The following PHF2 variants were observed in gnomAD, a reference collection of about 807,000 sequenced individuals.
PHF2 encodes PHD finger protein 2.
Under a neutral mutation model 120.5 loss-of-function variants are expected in PHF2, and 27 were observed. The ratio of observed to expected loss-of-function variants is 0.22; its 90% CI spans 0.17 to 0.31. The LOEUF (loss-of-function observed/expected upper bound fraction) is 0.31. Ranked by LOEUF, PHF2 falls within the 10% of genes least tolerant of loss-of-function variation. The pLI is 1.00. For missense variants in PHF2, 1,024 were observed against 1,434.8 expected, an observed-to-expected ratio of 0.71 and a Z score of 4.63; for synonymous variants, 568 against 592.5, an observed-to-expected ratio of 0.96 and a Z score of 0.60.
chr9:93,641,281 C>G (rs774486202), intron 3 of PHF2, among the ~76,000 whole-genome samples: 6 of 152,186 alleles, frequency 3.9e-5, no homozygotes, highest in Non-Finnish European at 7.3e-5. Context: ...AAAATAGATT[C>G]TATTTCCATC....
intron 1 of PHF2, among the ~76,000 whole-genome samples, chr9:93,600,440 C>G (rs1369073947): frequency 6.6e-6 from 1 of 152,212 alleles, no homozygotes; most frequent in East Asian, 1.9e-4. Context: ...CTTAGCCACA[C>G]TGCTTTGAGG....
At chr9:93,591,008 C>T (rs1825208179) in intron 1 of PHF2, among the ~76,000 whole-genome samples, 2 of 152,252 alleles carry the variant, frequency 1.3e-5, no homozygotes, top group African/African-American at 4.8e-5. Flanking sequence ...AGCTCCGGGG[C>T]CATACTTGGC....
chr9:93,621,380 C>G (rs1226439332), intron 1 of PHF2, among the ~76,000 whole-genome samples: 3 of 152,214 alleles, frequency 2.0e-5, no homozygotes, highest in Non-Finnish European at 2.9e-5. Flanking sequence ...CTTGGGGTCT[C>G]CTGCACAAAG....
intron 1 of PHF2, among the ~76,000 whole-genome samples, chr9:93,596,358 G>C (rs147008033): frequency 2.0e-5 from 3 of 152,104 alleles, no homozygotes; most frequent in African/African-American, 7.2e-5. Flanking sequence ...AGGGATCAAG[G>C]CTCCATGGAT....
intron 1 of PHF2, among the ~76,000 whole-genome samples, chr9:93,594,055 C>T (rs754074394): frequency 2.0e-5 from 3 of 152,218 alleles, no homozygotes; most frequent in South Asian, 4.1e-4. Flanking sequence ...TTTATAGACA[C>T]TGGGGCTTGG....
chr9:93,648,964 C>T, intron 4 of PHF2, 107 bp from the exon 5 acceptor site: 1 of 1,287,340 alleles, frequency 7.8e-7, no homozygotes, highest in Non-Finnish European at 1.1e-6. Context: ...GCAGCTCCTG[C>T]TGTGTGTGAG....
chr9:93,675,084 C>T, intron 19 of PHF2, 62 bp downstream of exon 19: 1 of 1,323,318 alleles, frequency 7.6e-7, no homozygotes. Flanking sequence ...GTGACTTTGT[C>T]TGTGGTCCCT....
In PHF2 at chr9:93,655,944, C is replaced by T. The variant is rs142500956; in HGVS notation, c.963C>T (p.Tyr321=). The change falls in exon 8 of 22, where the codon TAC becomes TAT. Residue 321 remains tyrosine, a synonymous_variant. Coordinates refer to ENST00000359246, the MANE Select transcript of PHF2 (RefSeq NM_005392.4). ...QTLFIPSGWI[Y]ATLTPVDCLA... is the part of the protein sequence containing the mutation. ...CTGTCTCTCTCCCAGGCTGGATCTACGCCACACTCACCCCTGTGGACTGCC... is the reference window on the plus strand; with the variant it reads ...CTGTCTCTCTCCCAGGCTGGATCTATGCCACACTCACCCCTGTGGACTGCC... The T allele has an allele frequency of 2.6e-4, 425 of 1,611,644 alleles. 3 individuals carry two copies. Among genetic ancestry groups the T allele is most frequent in the Middle Eastern group, 3.4e-4 (2 of 5,904 alleles).
chr9:93,586,406 G>A lies in PHF2; in HGVS notation c.98+9535G>A, dbSNP rs570316839. Among the ~76,000 whole-genome samples, 5 of 152,356 alleles carry A rather than the reference G, an allele frequency of 3.3e-5. No homozygotes were observed. The South Asian group carries it at 8.3e-4, about 25-fold the overall frequency. On this transcript the variant is annotated intron_variant, in intron 1 of 21. Transcript: ENST00000359246. ...TTCTCCACTGTTTGCACCCAGCACT[G>A]GGCACTTCTGGATGCCACCCTGTTC... is the stretch of plus-strand genomic sequence containing the variant.
chr9:93,577,093 C>T (rs1317985784), intron 1 of PHF2, among the ~76,000 whole-genome samples: 1 of 147,712 alleles, frequency 6.8e-6, no homozygotes, highest in Non-Finnish European at 1.5e-5. Flanking sequence ...CGCTGGGCGC[C>T]CCTGGCCGCC....
At chr9:93,671,521 T>A (rs1230523833) in intron 17 of PHF2, among the ~76,000 whole-genome samples, 1 of 108,280 alleles carries the variant, frequency 9.2e-6, no homozygotes, top group Non-Finnish European at 1.8e-5. Context: ...TGGGTGTGGA[T>A]GTAGGTACAG....
chr9:93,612,965 A>G (rs1035780571), intron 1 of PHF2, among the ~76,000 whole-genome samples: 6 of 152,198 alleles, frequency 3.9e-5, no homozygotes, highest in Admixed American at 1.3e-4. Context: ...GATGGTGCTG[A>G]TGGGAACTCC....
intron 3 of PHF2, among the ~76,000 whole-genome samples, chr9:93,640,282 C>T (rs543822466): frequency 6.6e-6 from 1 of 152,268 alleles, no homozygotes; most frequent in South Asian, 2.1e-4. Context: ...ATTTATTCTA[C>T]TGCATTTTCT....
At chr9:93,616,393 CCT>C (rs78738062) in intron 1 of PHF2, among the ~76,000 whole-genome samples, 20,486 of 152,150 alleles carry the variant, frequency 0.13, 1,404 homozygotes, top group East Asian at 0.2. Context: ...AAGTTAGTCC[CCT>C]GACTAGAAGG....
intron 1 of PHF2, among the ~76,000 whole-genome samples, chr9:93,596,214 T>C (rs1825329676): frequency 6.6e-6 from 1 of 152,102 alleles, no homozygotes. Context: ...GAGGTTTCCC[T>C]GTTTCTATTG....
chr9:93,667,525 A>G (rs569933904), intron 17 of PHF2, among the ~76,000 whole-genome samples: 13 of 152,150 alleles, frequency 8.5e-5, no homozygotes, highest in African/African-American at 3.1e-4. Flanking sequence ...TCACGTGGAA[A>G]TCTTTTGGGA....
At chr9:93,617,318 G>T (rs530352285) in intron 1 of PHF2, among the ~76,000 whole-genome samples, 1 of 152,186 alleles carries the variant, frequency 6.6e-6, no homozygotes, top group Non-Finnish European at 1.5e-5. Context: ...CATATCACCC[G>T]TGAGAAAGCC....
chr9:93,615,148 A>T (rs1825705218), intron 1 of PHF2, among the ~76,000 whole-genome samples: 2 of 146,014 alleles, frequency 1.4e-5, no homozygotes, highest in South Asian at 4.4e-4. Context: ...GGTGATAGTA[A>T]TGGTGATGAT....
intron 6 of PHF2, 68 bp from the exon 7 acceptor site, chr9:93,654,345 C>T: frequency 2.7e-6 from 4 of 1,503,468 alleles, no homozygotes; most frequent in Non-Finnish European, 3.7e-6. Context: ...CACGTTAGGA[C>T]CTGTCACTTG....
Sources: gnomAD v4.1 joint callset for allele counts (sites outside exome capture counted in the v4.1 genomes callset) on GRCh38, gnomAD v4.1.1 for gene constraint, MANE v1.5 for transcripts, NCBI Gene and HGNC (gene_info 2026-07-23, HGNC 2026-07-21) for gene names.